The following ZNF292 variants were observed in gnomAD, a reference collection of about 807,000 sequenced individuals.
The protein encoded by ZNF292 is 16 zinc-finger domain protein.
A neutral mutation model predicts 217.9 loss-of-function variants in ZNF292; 26 were observed. The ratio of observed to expected loss-of-function variants is 0.12; its 90% CI spans 0.09 to 0.17. The LOEUF is 0.17. Among genes scored for constraint, ZNF292 ranks in the 10% least tolerant of loss-of-function variants. The pLI, the probability that ZNF292 is intolerant of heterozygous loss-of-function variation, is 1.00. For missense variants in ZNF292, 2,904 were observed against 3,175.2 expected, an observed-to-expected ratio of 0.91 and a Z score of 2.05; for synonymous variants, 1,257 against 1,124.1, an observed-to-expected ratio of 1.12 and a Z score of -2.37.
At chr6:87,189,633 T>G (rs534676691) in intron 1 of ZNF292, among the ~76,000 whole-genome samples, 5 of 148,608 alleles carry the variant, frequency 3.4e-5, no homozygotes, top group Admixed American at 2.7e-4. Context: ...TGGGATTATG[T>G]TTTTTTTTTA....
At chr6:87,199,481 T>C (rs1253298888) in intron 1 of ZNF292, among the ~76,000 whole-genome samples, 1 of 152,116 alleles carries the variant, frequency 6.6e-6, no homozygotes, top group African/African-American at 2.4e-5. Context: ...GTGCAGAAAT[T>C]TTTTATTTTG....
intron 4 of ZNF292, chr6:87,222,857 T>C (rs1212918785): frequency 2.2e-6 from 1 of 452,916 alleles, no homozygotes; most frequent in Non-Finnish European, 4.4e-6. Flanking sequence ...CTTTCCTTGT[T>C]TTTGATGACC....
rs147238155 is a variant in ZNF292 at position 87,258,068 on chromosome 6, C to T, written c.4439C>T (p.Thr1480Ile). ...CGATCTGGTGTGACTAACTTTAATACCAGTGTCAGTCAAGAAGGTAGTGAA... is the reference window on the plus strand; with the variant it reads ...CGATCTGGTGTGACTAACTTTAATATCAGTGTCAGTCAAGAAGGTAGTGAA... ...FPRSGVTNFN[T>I]SVSQEGSEII... Residue 1480 changes from threonine to isoleucine, a missense_variant, in exon 8 of 8, where the codon ACC becomes ATC. By Grantham distance (89) the Thr-to-Ile change is moderately conservative. This residue lies in a region of ZNF292 where 622 missense variants were observed against 573.1 expected (regional missense o/e 1.09). Coordinates refer to ENST00000369577, the MANE Select transcript of ZNF292 (RefSeq NM_015021.3). 6.2e-7 allele frequency: 1 copy of T among 1,613,656 alleles called. No homozygotes were observed. The highest frequency in any genetic ancestry group is 8.5e-7 in the Non-Finnish European group (1 of 1,179,780).
At chr6:87,191,489 G>A (rs188049372) in intron 1 of ZNF292, among the ~76,000 whole-genome samples, 10 of 152,244 alleles carry the variant, frequency 6.6e-5, no homozygotes, top group African/African-American at 2.2e-4. Context: ...TTACATGTAT[G>A]TGGCAATAGT....
chr6:87,227,359 T>C (rs748388575), intron 4 of ZNF292, among the ~76,000 whole-genome samples: 29 of 152,320 alleles, frequency 1.9e-4, no homozygotes, highest in Non-Finnish European at 4.0e-4. Context: ...AAGCATTGTG[T>C]TTTATTAAAT....
Position 87,256,603 on chromosome 6 carries a change from C to G in ZNF292, c.2974C>G (p.Gln992Glu). 1.2e-6 allele frequency: 2 copies of G among 1,613,574 alleles called. No individual in the cohort carries two copies. Among genetic ancestry groups the G allele is most frequent in the Non-Finnish European group, 1.7e-6 (2 of 1,179,816 alleles). Residue 992 changes from glutamine to glutamate, a missense_variant, in exon 8 of 8, where the codon CAA (glutamine) becomes GAA (glutamate). Physicochemically the swap from Gln to Glu is conservative, Grantham distance 29 (BLOSUM62 2). Around this residue, in one of 15 missense-constraint regions of ZNF292, gnomAD observed 687 missense variants for 623.0 expected, o/e 1.10. Transcript: ENST00000369577. ...TCCAGGTTTCCAGGAGAGAAAAGAA[C>G]AAGATTGCTTTAATGATGCCCATGT... The part of the protein sequence containing the change: ...CHPGFQERKE[Q>E]DCFNDAHVTQ...
At chr6:87,189,994 T>G (rs1480793150) in intron 1 of ZNF292, among the ~76,000 whole-genome samples, 1 of 152,222 alleles carries the variant, frequency 6.6e-6, no homozygotes, top group Non-Finnish European at 1.5e-5. Flanking sequence ...TATACCTTGG[T>G]TAATAATCCA....
intron 1 of ZNF292, among the ~76,000 whole-genome samples, chr6:87,213,133 A>G (rs1772575175): frequency 6.6e-6 from 1 of 152,194 alleles, no homozygotes; most frequent in Non-Finnish European, 1.5e-5. Context: ...TTGAACATAC[A>G]GTGGCCTGGG....
At chr6:87,225,510 G>T (rs1773303423) in intron 4 of ZNF292, among the ~76,000 whole-genome samples, 1 of 152,026 alleles carries the variant, frequency 6.6e-6, no homozygotes, top group Admixed American at 6.6e-5. Context: ...TTTTACATAT[G>T]GGTATATGAT....
chr6:87,206,680 TTTCTCTTTTTAAA>T (rs1233230183), intron 1 of ZNF292, among the ~76,000 whole-genome samples: 3 of 152,350 alleles, frequency 2.0e-5, no homozygotes, highest in South Asian at 2.1e-4. Context: ...TATTCTTTAT[TTTCTCTTTTTAAA>T]TGCAGCCAGT....
intron 1 of ZNF292, among the ~76,000 whole-genome samples, chr6:87,212,846 A>G (rs1297266701): frequency 6.6e-6 from 1 of 152,210 alleles, no homozygotes; most frequent in Middle Eastern, 3.2e-3. Flanking sequence ...TGAATCATCT[A>G]GCTGGTCAAA....
At chr6:87,167,771 C>G (rs1770963848) in intron 1 of ZNF292, among the ~76,000 whole-genome samples, 1 of 152,196 alleles carries the variant, frequency 6.6e-6, no homozygotes, top group Non-Finnish European at 1.5e-5. Flanking sequence ...TATTTTACTG[C>G]TCTTTATGTG....
At chr6:87,168,831 G>C (rs747435912) in intron 1 of ZNF292, among the ~76,000 whole-genome samples, 1 of 151,846 alleles carries the variant, frequency 6.6e-6, no homozygotes, top group African/African-American at 2.4e-5. Flanking sequence ...ATCATCCCTC[G>C]GTATTCGTAG....
At chr6:87,222,653 C>T in intron 4 of ZNF292, 2 of 332,398 alleles carry the variant, frequency 6.0e-6, no homozygotes, top group South Asian at 5.0e-5. Context: ...TAATATCTTA[C>T]ATTAGTTTGG....
intron 3 of ZNF292, among the ~76,000 whole-genome samples, chr6:87,218,073 TA>T (rs1772879088): frequency 6.6e-6 from 1 of 152,128 alleles, no homozygotes; most frequent in Admixed American, 6.5e-5. Flanking sequence ...TGGAAACAAC[TA>T]GCAGGCAAGG....
intron 5 of ZNF292, among the ~76,000 whole-genome samples, chr6:87,240,592 T>C (rs1360243569): frequency 6.6e-6 from 1 of 152,054 alleles, no homozygotes; most frequent in Non-Finnish European, 1.5e-5. Flanking sequence ...TGGCTAATTT[T>C]GTATTTTTAG....
In ZNF292 at chr6:87,218,690, T is replaced by C; in HGVS notation, c.497T>C (p.Leu166Pro). Residue 166 changes from leucine to proline, a missense_variant, in exon 4 of 8, where the codon CTG becomes CCG. Around this residue, in one of 15 missense-constraint regions of ZNF292, gnomAD observed 313 missense variants for 451.0 expected, o/e 0.69. Transcript: ENST00000369577. ...ACTGGGGTGTGGAAAAACCCGGTAC[T>C]GTGCACTATTCTTTCCCAGGAACCA... Reference protein sequence around the residue: ...QETGVWKNPVLCTILSQEPLD... With the variant: ...QETGVWKNPVPCTILSQEPLD... 6.3e-7 allele frequency: 1 copy of C among 1,595,936 alleles called. No homozygotes were observed. The highest frequency in any genetic ancestry group is 1.2e-5 in the South Asian group (1 of 86,462).
intron 1 of ZNF292, among the ~76,000 whole-genome samples, chr6:87,168,560 C>G (rs977132076): frequency 3.9e-5 from 6 of 152,142 alleles, no homozygotes. Context: ...ACCTCTGCCT[C>G]CTGGGTTCAA....
intron 1 of ZNF292, among the ~76,000 whole-genome samples, chr6:87,180,419 A>T (rs562283730): frequency 8.0e-6 from 1 of 125,732 alleles, no homozygotes; most frequent in African/African-American, 3.6e-5. Context: ...TGCCCCAAGT[A>T]TGTGCCAAGA....
Sources: gnomAD v4.1 joint callset for allele counts (sites outside exome capture counted in the v4.1 genomes callset) on GRCh38, gnomAD v4.1.1 for gene constraint, gnomAD v4.1.1 regional missense constraint, MANE v1.5 for transcripts, NCBI Gene and HGNC (gene_info 2026-07-23, HGNC 2026-07-21) for gene names.